The following ANKRD62 variants were observed in gnomAD, a reference collection of about 807,000 sequenced individuals.
The protein encoded by ANKRD62 is ankyrin repeat domain 62.
Under a neutral mutation model 98.8 loss-of-function variants are expected in ANKRD62, and 61 were observed. The observed-to-expected ratio is 0.62, with a 90% CI of 0.50 to 0.76. ANKRD62 has a LOEUF of 0.76. Ranked by LOEUF, ANKRD62 falls within the 30% of genes least tolerant of loss-of-function variation. The pLI is 0.00. For missense variants in ANKRD62, 933 were observed against 1,082.9 expected (o/e 0.86, Z 1.94); for synonymous variants, 341 against 367.9 (o/e 0.93, Z 0.84).
Position 12,095,260 on chromosome 18 carries a change from GT to G in ANKRD62, c.309del (p.Ser103ArgfsTer7), listed in dbSNP as rs1212203507. On this transcript the variant is annotated frameshift_variant, in exon 2 of 14. Transcript: ENST00000587848. LOFTEE classifies it high-confidence loss of function. ...AAATGCCAGCTTAACCTCACTGACA[GT>G]GAAAACAGGACAGCTCTGATCAAGG... ...ARKCQLNLTD[S>X]ENRTALIKAV... 2.7e-5 allele frequency: 42 copies of G among 1,539,748 alleles called. No homozygotes were observed. Among genetic ancestry groups the G allele is most frequent in the Non-Finnish European group, 3.6e-5 (41 of 1,146,850 alleles).
the ANKRD62 span, among the ~76,000 whole-genome samples, chr18:12,156,959 G>T: frequency 2.6e-5 from 4 of 151,966 alleles, no homozygotes; most frequent in Admixed American, 2.0e-4. Flanking sequence ...TCTCTCGCTC[G>T]CTGTCTCTCA....
At chr18:12,151,919 AACT>A in the ANKRD62 span, among the ~76,000 whole-genome samples, 492 of 152,246 alleles carry the variant, frequency 3.2e-3, 1 homozygote, top group Non-Finnish European at 6.2e-3. Flanking sequence ...TAACATGAGT[AACT>A]ACTAAAAATG....
Position 12,094,182 on chromosome 18 carries a change from G to A in ANKRD62, c.165G>A (p.Met55Ile), listed in dbSNP as rs1375671161. The stretch of plus-strand genomic sequence containing the variant: ...TCGCAGGTGATGTGAACAAGGTGAT[G>A]GAGAGCATCTTGCTCAGGCTGAATG... ...AAIAGDVNKV[M>I]ESILLRLNDL... Residue 55 changes from methionine (M) to isoleucine (I), a missense_variant, in exon 1 of 14, where the codon ATG becomes ATA. Around this residue, in one of 3 missense-constraint regions of ANKRD62, gnomAD observed 549 missense variants for 587.9 expected, o/e 0.93. Transcript: ENST00000587848. The A allele has an allele frequency of 6.5e-7, 1 of 1,531,986 alleles. No individual in the cohort carries two copies. The highest frequency in any genetic ancestry group is 2.5e-5 in the East Asian group (1 of 40,596). 94.9% of individuals were successfully genotyped at this position (1,531,986 alleles called of 1,614,324 possible). A position where few individuals can be genotyped will look rare whatever the true frequency, so the allele number is the denominator to read the frequency against.
In ANKRD62 at chr18:12,128,220, G is replaced by C. The variant is rs961182180; in HGVS notation, c.*281G>C. ...TTCATTGCCACGTGGAGACAAGCCAGATTAATTCAGAGGATAATGTCTAAT... is the reference window on the plus strand; with the variant it reads ...TTCATTGCCACGTGGAGACAAGCCACATTAATTCAGAGGATAATGTCTAAT... On this transcript the variant is annotated 3_prime_UTR_variant, in exon 14 of 14. Transcript: ENST00000587848. 14 of 174,000 alleles carry C rather than the reference G, an allele frequency of 8.0e-5. No individual in the cohort carries two copies. The highest frequency in any genetic ancestry group is 2.5e-4 in the Admixed American group (4 of 15,992). The allele number at this position is 174,000 out of a possible 1,614,324, so 10.8% of individuals were successfully genotyped here.
At chr18:12,175,489 G>A in the ANKRD62 span, among the ~76,000 whole-genome samples, 1 of 152,108 alleles carries the variant, frequency 6.6e-6, no homozygotes, top group African/African-American at 2.4e-5. Context: ...CTCCAGCCAA[G>A]CGATGTGGGG....
chr18:12,110,126 A>C (rs1401598436), intron 8 of ANKRD62, among the ~76,000 whole-genome samples: 1 of 152,176 alleles, frequency 6.6e-6, no homozygotes, highest in African/African-American at 2.4e-5. Flanking sequence ...GCACCACACC[A>C]TATTTTTCAT....
chr18:12,170,292 CTG>C, the ANKRD62 span, among the ~76,000 whole-genome samples: 1 of 152,204 alleles, frequency 6.6e-6, no homozygotes, highest in Non-Finnish European at 1.5e-5. Context: ...CCTCTACACA[CTG>C]CTTTGAATGT....
the ANKRD62 span, among the ~76,000 whole-genome samples, chr18:12,146,193 T>G: frequency 3.3e-5 from 5 of 151,070 alleles, 1 homozygote; most frequent in South Asian, 8.4e-4. Flanking sequence ...TCCTGGATCC[T>G]GTTTCTCCTG....
chr18:12,140,283 T>A, the ANKRD62 span, among the ~76,000 whole-genome samples: 1 of 152,202 alleles, frequency 6.6e-6, no homozygotes, highest in Non-Finnish European at 1.5e-5. Context: ...TTCTTTGCCA[T>A]TGGTTCAAAC....
chr18:12,099,726 G>A, intron 6 of ANKRD62, 44 bp downstream of exon 6: 1 of 1,163,656 alleles, frequency 8.6e-7, no homozygotes. Flanking sequence ...TCCTGTCATA[G>A]ATAAAAAAGT....
the ANKRD62 span, among the ~76,000 whole-genome samples, chr18:12,174,694 C>T: frequency 5.9e-5 from 9 of 152,128 alleles, no homozygotes; most frequent in South Asian, 1.9e-3. Context: ...AGTTGATGAC[C>T]TTAAGGGTTT....
chr18:12,136,485 C>T, the ANKRD62 span, among the ~76,000 whole-genome samples: 4 of 152,286 alleles, frequency 2.6e-5, no homozygotes, highest in African/African-American at 9.6e-5. Flanking sequence ...CCTGATGCCT[C>T]CAGCTTTGTT....
intron 8 of ANKRD62, among the ~76,000 whole-genome samples, chr18:12,111,793 TACTC>T (rs1343199833): frequency 2.7e-4 from 41 of 152,206 alleles, no homozygotes; most frequent in African/African-American, 8.9e-4. Context: ...AACTAATTCT[TACTC>T]ACAATTGCCA....
At chr18:12,136,054 C>T in the ANKRD62 span, among the ~76,000 whole-genome samples, 1 of 152,174 alleles carries the variant, frequency 6.6e-6, no homozygotes, top group Non-Finnish European at 1.5e-5. Flanking sequence ...TTAATTAGAT[C>T]CCATTTGTCA....
At chr18:12,140,089 C>T in the ANKRD62 span, among the ~76,000 whole-genome samples, 2 of 152,174 alleles carry the variant, frequency 1.3e-5, no homozygotes, top group African/African-American at 4.8e-5. Context: ...CGCTTCATAT[C>T]ATTCATTTCG....
At position 12,095,446 on chromosome 18, in the gene ANKRD62, T is replaced by A. The variant is rs753933346; in HGVS notation, c.343T>A (p.Cys115Ser). 2 of 1,571,672 alleles carry A rather than the reference T, an allele frequency of 1.3e-6. No homozygotes were observed. The highest frequency in any genetic ancestry group is 2.3e-5 in the South Asian group (2 of 87,282). ...GGTCTAATACTGACAGGCTGTACAATGTCAAGAAGAAGTTTGTGCATCCAT... is the reference window on the plus strand; with the variant it reads ...GGTCTAATACTGACAGGCTGTACAAAGTCAAGAAGAAGTTTGTGCATCCAT... ...NRTALIKAVQ[C>S]QEEVCASILL... The change falls in exon 3 of 14, where the codon TGT becomes AGT. Residue 115 changes from cysteine to serine, a missense_variant. Cys to Ser is a moderately radical substitution (Grantham distance 112, BLOSUM62 -1). This residue lies in a region of ANKRD62 where 549 missense variants were observed against 587.9 expected (regional missense o/e 0.93). Transcript: ENST00000587848.
At chr18:12,095,128 A>T (rs1267891532) in intron 1 of ANKRD62, 43 bp from the exon 2 acceptor site, 1 of 1,376,976 alleles carries the variant, frequency 7.3e-7, no homozygotes, top group Non-Finnish European at 1.0e-6. Context: ...ATGTTTTGGG[A>T]CTGTGCACTA....
At chr18:12,141,142 A>C in the ANKRD62 span, among the ~76,000 whole-genome samples, 1 of 151,878 alleles carries the variant, frequency 6.6e-6, no homozygotes, top group Admixed American at 6.6e-5. Context: ...TGGGCGTAGG[A>C]CTCTCCGAGC....
chr18:12,166,635 T>C, the ANKRD62 span, among the ~76,000 whole-genome samples: 2 of 152,168 alleles, frequency 1.3e-5, no homozygotes, highest in African/African-American at 4.8e-5. Context: ...CCTTGGTGCC[T>C]TATTTAGTTC....
Sources: gnomAD v4.1 joint callset for allele counts (sites outside exome capture counted in the v4.1 genomes callset) on GRCh38, gnomAD v4.1.1 for gene constraint, gnomAD v4.1.1 regional missense constraint, MANE v1.5 for transcripts, NCBI Gene and HGNC (gene_info 2026-07-23, HGNC 2026-07-21) for gene names.